Variants in P2RY12 observed in about 807,000 individuals in gnomAD.
P2RY12 encodes the protein purinergic receptor P2Y12.
In P2RY12, 3 loss-of-function variants were observed where a neutral mutation model predicts 4.5. The ratio of observed to expected loss-of-function variants is 0.67; its 90% CI spans 0.31 to 1.74. P2RY12 has a LOEUF of 1.74. Ranked by LOEUF, P2RY12 falls within the 40% of genes most tolerant of loss-of-function variation. The pLI, the probability that P2RY12 is intolerant of heterozygous loss-of-function variation, is 0.09. For synonymous variants in P2RY12, 148 were observed against 154.1 expected, an observed-to-expected ratio of 0.96 and a Z score of 0.29; for missense variants, 356 against 407.8, an observed-to-expected ratio of 0.87 and a Z score of 1.09.
intron 1 of P2RY12, among the ~76,000 whole-genome samples, chr3:151,364,025 A>G (rs558694081): frequency 1.1e-3 from 166 of 152,318 alleles, no homozygotes; most frequent in Non-Finnish European, 1.7e-3. Flanking sequence ...GCCATAGGTC[A>G]CCACAAACCA....
chr3:151,380,153 C>G (rs866689687), intron 1 of P2RY12: 1 of 1,607,942 alleles, frequency 6.2e-7, no homozygotes, highest in Admixed American at 1.7e-5. Context: ...CTCACTGGTA[C>G]TTACCTGCCT....
At position 151,376,959 on chromosome 3, in the gene P2RY12, A is replaced by G. The variant is rs576339636; in HGVS notation, c.-180+7733T>C. ...GATGTTTGAGGATAAAGGAATACAC[A>G]TATGTGCCAGTATTCTTATATCTAA... On this transcript the variant is annotated intron_variant, in intron 1 of 2. Coordinates refer to ENST00000302632, the MANE Select transcript of P2RY12 (RefSeq NM_022788.5). 9.8e-5 allele frequency: 158 copies of G among 1,610,626 alleles called. 3 individuals are homozygous for G. The South Asian group carries it at 1.5e-3, about 15-fold the overall frequency.
intron 1 of P2RY12, among the ~76,000 whole-genome samples, chr3:151,381,357 T>C (rs553672967): frequency 6.6e-6 from 1 of 152,338 alleles, no homozygotes; most frequent in South Asian, 2.1e-4. Context: ...AAGTCACATA[T>C]TACCTCAGTA....
chr3:151,358,228 TATGAA>T (rs1356650115), intron 1 of P2RY12, among the ~76,000 whole-genome samples: 1 of 152,178 alleles, frequency 6.6e-6, no homozygotes, highest in African/African-American at 2.4e-5. Context: ...AATTACATGT[TATGAA>T]ATGAAATCTG....
intron 1 of P2RY12, among the ~76,000 whole-genome samples, chr3:151,377,447 G>A (rs917885641): frequency 2.0e-5 from 3 of 152,258 alleles, no homozygotes; most frequent in Non-Finnish European, 2.9e-5. Context: ...ACTGTGTTAC[G>A]TAGTATTCAT....
chr3:151,372,729 A>T, intron 1 of P2RY12: 1 of 1,613,850 alleles, frequency 6.2e-7, no homozygotes, highest in Non-Finnish European at 8.5e-7. Context: ...AATTTAAGAG[A>T]ATACGCTAGA....
Position 151,337,803 on chromosome 3 carries a change from C to T in P2RY12, c.*14G>A, listed in dbSNP as rs1553784443. ...GAACACAAAGAGATTGAAATATTTC[C>T]TTAGTTAATTTGTTTACATTGGAGT... is the stretch of plus-strand genomic sequence containing the variant. On this transcript the variant is annotated 3_prime_UTR_variant, in exon 3 of 3. Transcript: ENST00000302632. 9.3e-6 allele frequency: 15 copies of T among 1,611,834 alleles called. No homozygotes were observed. The highest frequency in any genetic ancestry group is 5.9e-6 in the Non-Finnish European group (7 of 1,178,460).
At chr3:151,361,119 G>A (rs1333524920) in intron 1 of P2RY12, among the ~76,000 whole-genome samples, 1 of 152,022 alleles carries the variant, frequency 6.6e-6, no homozygotes, top group Non-Finnish European at 1.5e-5. Flanking sequence ...ACTTGGATTA[G>A]CTTTAATATC....
chr3:151,350,412 G>A (rs866117666), intron 1 of P2RY12, among the ~76,000 whole-genome samples: 1 of 151,730 alleles, frequency 6.6e-6, no homozygotes, highest in African/African-American at 2.4e-5. Flanking sequence ...TTAATACAAG[G>A]TATTAATATT....
intron 1 of P2RY12, among the ~76,000 whole-genome samples, chr3:151,374,688 T>C (rs2108045931): frequency 6.6e-6 from 1 of 152,358 alleles, no homozygotes; most frequent in South Asian, 2.1e-4. Context: ...TTATTTGAAC[T>C]TTTCCCATCC....
intron 2 of P2RY12, among the ~76,000 whole-genome samples, chr3:151,339,495 C>G (rs910169268): frequency 8.3e-4 from 125 of 151,026 alleles, no homozygotes; most frequent in Non-Finnish European, 8.1e-4. Context: ...CTATATTGCT[C>G]ACTCATTCAA....
chr3:151,372,809 T>C (rs1204118002), intron 1 of P2RY12: 2 of 1,522,272 alleles, frequency 1.3e-6, no homozygotes, highest in East Asian at 2.3e-5. Flanking sequence ...TACGTAACTC[T>C]TCTTTTGGAG....
intron 1 of P2RY12, among the ~76,000 whole-genome samples, chr3:151,347,867 G>A (rs1312187410): frequency 1.3e-5 from 2 of 152,116 alleles, no homozygotes; most frequent in African/African-American, 4.8e-5. Context: ...TTTATTATTC[G>A]AGATCATGGA....
In P2RY12 at chr3:151,363,048, G is replaced by A. The variant is rs927579852; in HGVS notation, c.-180+21644C>T. Among the ~76,000 whole-genome samples the A allele has an allele frequency of 3.3e-5, 5 of 152,022 alleles. No individual in the cohort carries two copies. In the South Asian group the frequency reaches 8.3e-4, roughly 25 times the overall value. The stretch of plus-strand genomic sequence containing the variant: ...CTATTTGACCCTTAATACTCCTGCA[G>A]TGTGGTGCAAATAGGTTAAATGAGG... On this transcript the variant is annotated intron_variant, in intron 1 of 2. Transcript: ENST00000302632.
At chr3:151,342,758 A>G (rs1752031139) in intron 1 of P2RY12, among the ~76,000 whole-genome samples, 1 of 152,240 alleles carries the variant, frequency 6.6e-6, no homozygotes, top group South Asian at 2.1e-4. Context: ...AAATATGACT[A>G]TTGTAAACAA....
intron 1 of P2RY12, among the ~76,000 whole-genome samples, chr3:151,380,984 G>T (rs16863348): frequency 0.05 from 7,559 of 152,272 alleles, 639 homozygotes; most frequent in African/African-American, 0.17. Flanking sequence ...AAATCAGAAG[G>T]CATGTTGGTT....
intron 1 of P2RY12, among the ~76,000 whole-genome samples, chr3:151,359,466 A>G (rs949734532): frequency 3.3e-5 from 5 of 152,062 alleles, no homozygotes; most frequent in South Asian, 2.1e-4. Flanking sequence ...GGTTCCACCT[A>G]TGGTACCTGT....
intron 1 of P2RY12, chr3:151,377,132 G>A: frequency 6.2e-7 from 1 of 1,613,942 alleles, no homozygotes; most frequent in Non-Finnish European, 8.5e-7. Flanking sequence ...TATTGGAAGT[G>A]CTGATACAAG....
chr3:151,355,791 G>T, intron 1 of P2RY12: 1 of 943,092 alleles, frequency 1.1e-6, no homozygotes, highest in South Asian at 2.2e-5. Flanking sequence ...CGTCAAAGTA[G>T]AATCATGTAT....
Sources: gnomAD v4.1 joint callset for allele counts (sites outside exome capture counted in the v4.1 genomes callset) on GRCh38, gnomAD v4.1.1 for gene constraint, MANE v1.5 for transcripts, NCBI Gene and HGNC (gene_info 2026-07-23, HGNC 2026-07-21) for gene names.